The following KMT2C variants were observed in gnomAD, a reference collection of about 807,000 sequenced individuals.
KMT2C encodes histone-lysine N-methyltransferase 2C.
In KMT2C, 88 loss-of-function variants were observed where a neutral mutation model predicts 507.9. The ratio of observed to expected loss-of-function variants is 0.17; its 90% CI spans 0.15 to 0.21. The LOEUF (loss-of-function observed/expected upper bound fraction) is 0.21. Among genes scored for constraint, KMT2C ranks in the 10% least tolerant of loss-of-function variants. The pLI is 1.00. For synonymous variants in KMT2C, 2,049 were observed against 2,080.8 expected (o/e 0.98, Z 0.42); for missense variants, 4,954 against 5,957.8 (o/e 0.83, Z 5.55).
intron 3 of KMT2C, among the ~76,000 whole-genome samples, chr7:152,328,895 A>G (rs10244604): frequency 0.11 from 16,490 of 152,106 alleles, 2,158 homozygotes; most frequent in African/African-American, 0.31. Context: ...AGGAAATCGT[A>G]GGGAGAAGCA....
Position 152,183,608 on chromosome 7 carries a change from A to T in KMT2C, c.5083-452T>A, listed in dbSNP as rs567758885. ...GAAACCCCACCTCTACTAAAAATAC[A>T]AAATTAGGCCAGGCGCAGTGGCTCA... On this transcript the variant is annotated intron_variant, in intron 34 of 58. Transcript: ENST00000262189. Among the ~76,000 whole-genome samples, 479 of 152,176 alleles carry T rather than the reference A, an allele frequency of 3.1e-3. 3 individuals carry two copies. Among genetic ancestry groups the T allele is most frequent in the African/African-American group, 0.011 (453 of 41,518 alleles).
intron 14 of KMT2C, among the ~76,000 whole-genome samples, 172 bp downstream of exon 14, chr7:152,247,727 ATTC>A (rs2095497355): frequency 2.0e-5 from 3 of 152,292 alleles, no homozygotes; most frequent in Non-Finnish European, 4.4e-5. Context: ...AATAAATGGC[ATTC>A]TTCATTAACA....
rs1394531073 is a variant in KMT2C, at chr7:152,138,931, T to C, written c.14535-27A>G. Reference sequence around the variant, plus strand: ...TGCAAGCCACCATGTCAGAAAACTGTATTGTAAAACAGCTAGAAGCAGCTT... The same window carrying C: ...TGCAAGCCACCATGTCAGAAAACTGCATTGTAAAACAGCTAGAAGCAGCTT... On this transcript the variant is annotated intron_variant, in intron 57 of 58. Transcript: ENST00000262189. The surrounding 1 kb of genome is among the most constrained non-coding windows in gnomAD (Gnocchi z 4.2). 1 of 1,545,682 alleles carries C rather than the reference T, an allele frequency of 6.5e-7. No individual in the cohort carries two copies. Among genetic ancestry groups the C allele is most frequent in the Admixed American group, 1.7e-5 (1 of 59,920 alleles).
intron 37 of KMT2C, among the ~76,000 whole-genome samples, chr7:152,179,490 G>A (rs1387217843): frequency 6.6e-6 from 1 of 152,158 alleles, no homozygotes; most frequent in Non-Finnish European, 1.5e-5. Context: ...TTCAGAGTCT[G>A]TAGAGTTCTT....
chr7:152,374,273 A>C (rs2097311933), intron 1 of KMT2C, among the ~76,000 whole-genome samples: 1 of 152,036 alleles, frequency 6.6e-6, no homozygotes, highest in Non-Finnish European at 1.5e-5. Flanking sequence ...CCGAGATTGC[A>C]CCATTGCACT....
chr7:152,297,039 A>AAGAAAGAAAGAC (rs2096511349), intron 6 of KMT2C, among the ~76,000 whole-genome samples: 1 of 93,194 alleles, frequency 1.1e-5, no homozygotes, highest in African/African-American at 5.1e-5. Context: ...GAAAGAAAGA[A>AAGAAAGAAAGAC]AGAAAGAAAG....
chr7:152,162,902 C>T lies in KMT2C; in HGVS notation c.10675G>A (p.Ala3559Thr), dbSNP rs757336190. The T allele has an allele frequency of 1.2e-5, 19 of 1,614,034 alleles. No homozygotes were observed. The highest frequency in any genetic ancestry group is 4.0e-5 in the African/African-American group (3 of 74,898). Residue 3559 changes from alanine (A) to threonine (T), a missense_variant, in exon 43 of 59, where the codon GCA becomes ACA. By Grantham distance (58) the Ala-to-Thr change is moderately conservative. Around this residue, in one of 29 missense-constraint regions of KMT2C, gnomAD observed 801 missense variants for 751.2 expected, o/e 1.07. Coordinates refer to ENST00000262189, the MANE Select transcript of KMT2C (RefSeq NM_170606.3). ...CTGCTATTAGCTACTGGAGGTGCTG[C>T]TGGTAAAGCAGGTGTAAAAGAAGGC... ...VRPSFTPALP[A>T]APPVANSSLP...
At chr7:152,180,330 C>T (rs2129118663) in intron 36 of KMT2C, among the ~76,000 whole-genome samples, 1 of 152,174 alleles carries the variant, frequency 6.6e-6, no homozygotes, top group Admixed American at 6.5e-5. Context: ...AGGTTAGTGG[C>T]TTTTTAAATC....
At chr7:152,424,345 A>G (rs778573573) in intron 1 of KMT2C, among the ~76,000 whole-genome samples, 7 of 152,194 alleles carry the variant, frequency 4.6e-5, no homozygotes, top group South Asian at 2.1e-4. Flanking sequence ...AAACAGATTA[A>G]AACAACCAGC....
rs115413364 is a variant in KMT2C at position 152,175,271 on chromosome 7, G to A, written c.9262+920C>T. Among the ~76,000 whole-genome samples, 1,206 of 151,568 alleles carry A rather than the reference G, an allele frequency of 8.0e-3. 13 individuals are homozygous for A. The highest frequency in any genetic ancestry group is 0.028 in the African/African-American group (1,171 of 41,346). ...CACCATTCTCCTGCCTCTGTCTCCC[G>A]AATAACTGGGACTACAGGCGCACGC... On this transcript the variant is annotated intron_variant, in intron 38 of 58. Coordinates refer to ENST00000262189, the MANE Select transcript of KMT2C (RefSeq NM_170606.3).
intron 18 of KMT2C, among the ~76,000 whole-genome samples, chr7:152,226,619 G>A (rs1035977369): frequency 5.9e-5 from 9 of 152,144 alleles, no homozygotes; most frequent in African/African-American, 2.2e-4. Flanking sequence ...ATTTGTCTTA[G>A]ATTACCAAGT....
intron 9 of KMT2C, among the ~76,000 whole-genome samples, chr7:152,254,225 G>A (rs1322068838): frequency 7.2e-5 from 11 of 151,880 alleles, no homozygotes; most frequent in East Asian, 5.8e-4. Context: ...AATTCAGCCT[G>A]GGCAACACAC....
At chr7:152,200,276 G>C (rs980014662) in intron 26 of KMT2C, among the ~76,000 whole-genome samples, 8 of 152,106 alleles carry the variant, frequency 5.3e-5, no homozygotes, top group African/African-American at 1.9e-4. Flanking sequence ...AGTAAAAATG[G>C]CCTTAATGTC....
Position 152,176,309 on chromosome 7 carries a change from T to G in KMT2C, c.9144A>C (p.Leu3048=). 6.2e-7 allele frequency: 1 copy of G among 1,614,142 alleles called. No individual in the cohort carries two copies. The highest frequency in any genetic ancestry group is 1.1e-5 in the South Asian group (1 of 91,070). ...AQQNRERPLL[L]EEQPLLLQDL... is the part of the protein sequence containing the mutation. ...CCTGTAGAAGTAGAGGCTGTTCTTC[T>G]AGAAGAAGGGGCCTCTCTCTATTCT... Residue 3048 remains leucine (L), a synonymous_variant, in exon 38 of 59, where the codon CTA becomes CTC. Transcript: ENST00000262189.
chr7:152,262,011 C>T (rs934227086), intron 9 of KMT2C, among the ~76,000 whole-genome samples: 1 of 152,080 alleles, frequency 6.6e-6, no homozygotes, highest in Admixed American at 6.5e-5. Flanking sequence ...ACCCCCACCA[C>T]TCAGGCAGAT....
At chr7:152,262,738 G>A (rs2095800669) in intron 9 of KMT2C, among the ~76,000 whole-genome samples, 1 of 152,158 alleles carries the variant, frequency 6.6e-6, no homozygotes, top group African/African-American at 2.4e-5. Flanking sequence ...TCTAGGAAGT[G>A]AATACTAATC....
intron 23 of KMT2C, among the ~76,000 whole-genome samples, chr7:152,217,450 C>G (rs904032675): frequency 1.2e-4 from 19 of 152,210 alleles, no homozygotes; most frequent in Admixed American, 8.5e-4. Context: ...TATTTTATCC[C>G]TAGGAATGTA....
intron 3 of KMT2C, among the ~76,000 whole-genome samples, chr7:152,320,250 T>C (rs2096760984): frequency 6.6e-6 from 1 of 152,088 alleles, no homozygotes; most frequent in Admixed American, 6.5e-5. Context: ...CCCAAACATT[T>C]TGTTTTTGTT....
chr7:152,197,521 C>A (rs2094000468), intron 27 of KMT2C, among the ~76,000 whole-genome samples: 1 of 151,914 alleles, frequency 6.6e-6, no homozygotes, highest in Admixed American at 6.6e-5. Flanking sequence ...GCCCAAATAT[C>A]CAGGAACTTT....
Sources: allele counts gnomAD v4.1 joint callset (sites outside exome capture counted in the v4.1 genomes callset), GRCh38; gene constraint gnomAD v4.1.1; regional missense constraint gnomAD v4.1.1; non-coding constraint Gnocchi (gnomAD v3.1); transcripts MANE v1.5; gene names NCBI Gene and HGNC (gene_info 2026-07-23, HGNC 2026-07-21).